Variants in SNX13 observed in about 807,000 individuals in gnomAD.
The protein encoded by SNX13 is sorting nexin 13, also known as sorting nexin-13.
In SNX13, 45 loss-of-function variants were observed where a neutral mutation model predicts 133.6. The ratio of observed to expected loss-of-function variants is 0.34; its 90% CI spans 0.27 to 0.43. SNX13 has a LOEUF of 0.43. SNX13 is among the 20% of genes least tolerant of loss of function. The pLI, the probability that SNX13 is intolerant of heterozygous loss-of-function variation, is 1.00. For synonymous variants in SNX13, 414 were observed against 373.9 expected (o/e 1.11, Z -1.24); for missense variants, 1,032 against 1,145.1 (o/e 0.90, Z 1.43).
At chr7:17,806,153 C>T (rs1376385456) in intron 20 of SNX13, among the ~76,000 whole-genome samples, 1 of 152,114 alleles carries the variant, frequency 6.6e-6, no homozygotes, top group Non-Finnish European at 1.5e-5. Flanking sequence ...TTGTTAACAA[C>T]ATACACAATG....
At position 17,794,033 on chromosome 7, in the gene SNX13, T is replaced by G; in HGVS notation, c.*12A>C. The G allele has an allele frequency of 6.2e-7, 1 of 1,609,648 alleles. No individual in the cohort carries two copies. The highest frequency in any genetic ancestry group is 8.5e-7 in the Non-Finnish European group (1 of 1,177,296). ...CTGGACAAAATGAACACCAGCTTCA[T>G]AGAGTGGAGTGTCACCTTTTCTGCA... is the stretch of plus-strand genomic sequence containing the variant. On this transcript the variant is annotated 3_prime_UTR_variant, in exon 26 of 26. Coordinates refer to ENST00000428135, the MANE Select transcript of SNX13 (RefSeq NM_015132.5).
At chr7:17,917,109 C>G (rs899903084) in intron 1 of SNX13, among the ~76,000 whole-genome samples, 1 of 152,100 alleles carries the variant, frequency 6.6e-6, no homozygotes, top group African/African-American at 2.4e-5. Context: ...TCAGTAAAAT[C>G]CAACATCTCT....
At chr7:17,809,085 G>A (rs556796801) in intron 20 of SNX13, among the ~76,000 whole-genome samples, 1 of 152,084 alleles carries the variant, frequency 6.6e-6, no homozygotes, top group Admixed American at 6.6e-5. Context: ...CATAATGACA[G>A]GATCAAATTC....
chr7:17,868,471 A>C lies in SNX13; in HGVS notation c.773T>G (p.Ile258Ser). 6.2e-7 allele frequency: 1 copy of C among 1,609,110 alleles called. No homozygotes were observed. Among genetic ancestry groups the C allele is most frequent in the Non-Finnish European group, 8.5e-7 (1 of 1,177,692 alleles). ...GAGTTGATTTATTAATGGAAGAAGA[A>C]TTCCTCGTGCAAGGATTTCCTGAAA... The part of the protein sequence containing the change: ...YFVREILARG[I>S]LLPLINQLSD... Residue 258 changes from isoleucine to serine, a missense_variant, in exon 9 of 26, where the codon ATT (isoleucine) becomes AGT (serine). By Grantham distance (142) the Ile-to-Ser change is moderately radical. Coordinates refer to ENST00000428135, the MANE Select transcript of SNX13 (RefSeq NM_015132.5).
intron 2 of SNX13, among the ~76,000 whole-genome samples, chr7:17,895,562 TAG>T (rs1797111697): frequency 6.6e-6 from 1 of 152,184 alleles, no homozygotes; most frequent in African/African-American, 2.4e-5. Flanking sequence ...TAATATTCTC[TAG>T]AGTTTTTTAG....
chr7:17,896,975 G>T (rs1050636865), intron 2 of SNX13, among the ~76,000 whole-genome samples: 1 of 152,084 alleles, frequency 6.6e-6, no homozygotes, highest in African/African-American at 2.4e-5. Flanking sequence ...AAAACTTCAT[G>T]TGCAGTCTCA....
intron 18 of SNX13, among the ~76,000 whole-genome samples, chr7:17,817,934 C>T (rs1188076360): frequency 1.3e-5 from 2 of 152,118 alleles, no homozygotes; most frequent in Non-Finnish European, 2.9e-5. Flanking sequence ...TTCAGTGCCG[C>T]AGACGGTGAC....
chr7:17,886,700 T>C (rs1314173134), intron 5 of SNX13, among the ~76,000 whole-genome samples: 2 of 152,216 alleles, frequency 1.3e-5, no homozygotes, highest in South Asian at 2.1e-4. Flanking sequence ...ACAAGGTTGC[T>C]TGTTATAGTT....
At chr7:17,845,735 CATT>C in intron 11 of SNX13, 41 bp from the exon 12 acceptor site, 1 of 1,330,938 alleles carries the variant, frequency 7.5e-7, no homozygotes, top group Non-Finnish European at 1.0e-6. Context: ...TTTATCTAAT[CATT>C]CATTGTTAAA....
chr7:17,817,463 G>T (rs949199839), intron 18 of SNX13, among the ~76,000 whole-genome samples: 1 of 152,152 alleles, frequency 6.6e-6, no homozygotes, highest in Non-Finnish European at 1.5e-5. Context: ...AGATTAAAGA[G>T]AAGAGAAATG....
At chr7:17,916,083 A>G (rs973433686) in intron 1 of SNX13, among the ~76,000 whole-genome samples, 5 of 152,220 alleles carry the variant, frequency 3.3e-5, no homozygotes, top group African/African-American at 1.2e-4. Flanking sequence ...AAATTATGAC[A>G]GAAAACAAAA....
chr7:17,814,901 G>C lies in SNX13; in HGVS notation c.1997C>G (p.Ala666Gly). The C allele has an allele frequency of 6.5e-7, 1 of 1,535,396 alleles. No homozygotes were observed. Among genetic ancestry groups the C allele is most frequent in the African/African-American group, 1.4e-5 (1 of 69,222 alleles). The change falls in exon 20 of 26, where the codon GCT (alanine) becomes GGT (glycine). Residue 666 changes from alanine to glycine, a missense_variant. Transcript: ENST00000428135. ...CTCAAGGAAATCATACACATAGTGA[G>C]CTAAAGCGGGGGATGCCTTCATCAT... ...PEMMKASPALAHYVYDFLENK... is the reference protein window; with the variant it reads ...PEMMKASPALGHYVYDFLENK...
At chr7:17,923,167 A>C (rs930886303) in intron 1 of SNX13, among the ~76,000 whole-genome samples, 2 of 152,160 alleles carry the variant, frequency 1.3e-5, no homozygotes, top group African/African-American at 4.8e-5. Flanking sequence ...CTGTCCCAAA[A>C]CTTGTACTCC....
intron 11 of SNX13, among the ~76,000 whole-genome samples, chr7:17,846,125 G>A (rs765315351): frequency 8.6e-5 from 13 of 151,864 alleles, no homozygotes; most frequent in Admixed American, 4.6e-4. Context: ...GAGTAATTTT[G>A]CTCCTAACTC....
intron 1 of SNX13, among the ~76,000 whole-genome samples, chr7:17,938,841 C>T (rs908728606): frequency 6.6e-6 from 1 of 152,200 alleles, no homozygotes; most frequent in African/African-American, 2.4e-5. Context: ...ATAAGGCTAA[C>T]TGTTCCCACT....
At position 17,839,970 on chromosome 7, in the gene SNX13, T is replaced by C; in HGVS notation, c.1196A>G (p.His399Arg). ...DYMQQTGGQA[H>R]LFFWMTVEGY... ...TTCCACTGTCATCCAAAAGAATAGA[T>C]GTGCTTGACCTCCAGTTTGCTGCAT... The change falls in exon 13 of 26, where the codon CAT becomes CGT. Residue 399 changes from histidine (H) to arginine (R), a missense_variant. His to Arg is a conservative substitution (Grantham distance 29). Coordinates refer to ENST00000428135, the MANE Select transcript of SNX13 (RefSeq NM_015132.5). 1 of 1,610,762 alleles carries C rather than the reference T, an allele frequency of 6.2e-7. No homozygotes were observed. The highest frequency in any genetic ancestry group is 8.5e-7 in the Non-Finnish European group (1 of 1,178,040).
Position 17,857,742 on chromosome 7 carries a change from G to A in SNX13, c.838-6778C>T, listed in dbSNP as rs181929039. ...GGAGGTTACAGTGAGCTGAGACAGC[G>A]CCACTGAACTACAGAGCAAGACTCC... On this transcript the variant is annotated intron_variant, in intron 9 of 25. Coordinates refer to ENST00000428135, the MANE Select transcript of SNX13 (RefSeq NM_015132.5). Among the ~76,000 whole-genome samples the A allele has an allele frequency of 2.0e-3, 308 of 151,948 alleles. 2 individuals are homozygous for A. Among genetic ancestry groups the A allele is most frequent in the Admixed American group, 6.0e-3 (91 of 15,250 alleles).
chr7:17,814,692 A>T (rs1429182923), intron 20 of SNX13, 142 bp downstream of exon 20: 3 of 605,930 alleles, frequency 5.0e-6, no homozygotes, highest in Non-Finnish European at 8.0e-6. Flanking sequence ...ATTCCTACCA[A>T]TAGTGATAAA....
At chr7:17,802,668 A>G (rs1784762494) in intron 21 of SNX13, among the ~76,000 whole-genome samples, 1 of 152,154 alleles carries the variant, frequency 6.6e-6, no homozygotes, top group South Asian at 2.1e-4. Context: ...GAAAAGTATG[A>G]TTTACACAAT....
Sources: gnomAD v4.1 joint callset for allele counts (sites outside exome capture counted in the v4.1 genomes callset) on GRCh38, gnomAD v4.1.1 for gene constraint, MANE v1.5 for transcripts, NCBI Gene and HGNC (gene_info 2026-07-23, HGNC 2026-07-21) for gene names.